Variants in OPHN1 observed in about 807,000 individuals in gnomAD.
The protein encoded by OPHN1 is oligophrenin-1.
In OPHN1, 11 loss-of-function variants were observed where a neutral mutation model predicts 60.7. That is an observed-to-expected ratio of 0.18 (90% confidence interval 0.11 to 0.30). The LOEUF is 0.30. Among genes scored for constraint, OPHN1 ranks in the 10% least tolerant of loss-of-function variants. OPHN1 has a pLI of 1.00. For synonymous variants in OPHN1, 226 were observed against 222.6 expected, an observed-to-expected ratio of 1.02 and a Z score of -0.14; for missense variants, 449 against 611.0, an observed-to-expected ratio of 0.73 and a Z score of 2.80.
chrX:68,198,269 C>T (rs898323387), intron 11 of OPHN1, among the ~76,000 whole-genome samples: 2 of 111,009 alleles, frequency 1.8e-5, no homozygotes, highest in African/African-American at 6.6e-5. Context: ...TAGGTTCATT[C>T]CCTTCCATCT....
intron 5 of OPHN1, among the ~76,000 whole-genome samples, chrX:68,241,554 A>C (rs2077780440): frequency 8.9e-6 from 1 of 112,048 alleles, no homozygotes; most frequent in African/African-American, 3.2e-5. Context: ...CATTTATATA[A>C]AATTATACAC....
At chrX:68,364,574 T>C (rs143585306) in intron 2 of OPHN1, among the ~76,000 whole-genome samples, 2,024 of 111,936 alleles carry the variant, frequency 0.018, 15 homozygotes, top group Non-Finnish European at 0.03. Context: ...TTCAGTTTCT[T>C]TAATAGAGTA....
At chrX:68,056,853 T>C (rs2076875036) in intron 21 of OPHN1, among the ~76,000 whole-genome samples, 2 of 111,441 alleles carry the variant, frequency 1.8e-5, no homozygotes, top group Non-Finnish European at 3.8e-5. Context: ...CCTTTCCAGT[T>C]GTCTGCTGTT....
At chrX:68,379,856 A>G (rs1602369380) in intron 2 of OPHN1, among the ~76,000 whole-genome samples, 1 of 108,749 alleles carries the variant, frequency 9.2e-6, no homozygotes, top group South Asian at 3.9e-4. Context: ...TTTTTGCATC[A>G]GTGTTCATCG....
At chrX:68,225,030 G>A (rs1260232533) in intron 6 of OPHN1, among the ~76,000 whole-genome samples, 3 of 112,225 alleles carry the variant, frequency 2.7e-5, no homozygotes, top group Non-Finnish European at 3.8e-5. Flanking sequence ...CCCTAATACT[G>A]CGCTTTTCCA....
intron 15 of OPHN1, among the ~76,000 whole-genome samples, chrX:68,125,833 C>T (rs764802842): frequency 5.0e-5 from 5 of 100,536 alleles, no homozygotes; most frequent in Admixed American, 1.1e-4. Flanking sequence ...ACTCACTCTA[C>T]GAGGCCAATA....
At chrX:68,250,748 A>C (rs2077829637) in intron 5 of OPHN1, among the ~76,000 whole-genome samples, 1 of 112,164 alleles carries the variant, frequency 8.9e-6, no homozygotes, top group Non-Finnish European at 1.9e-5. Context: ...GACTTCTTAG[A>C]AGAATATCTG....
At chrX:68,242,274 T>A (rs1301120562) in intron 5 of OPHN1, among the ~76,000 whole-genome samples, 1 of 105,260 alleles carries the variant, frequency 9.5e-6, no homozygotes, top group African/African-American at 3.5e-5. Flanking sequence ...TCCTAGCTAG[T>A]CAGGAAGCTG....
At chrX:68,407,205 A>AAAAT (rs1168855801) in intron 2 of OPHN1, among the ~76,000 whole-genome samples, 20 of 112,237 alleles carry the variant, frequency 1.8e-4, no homozygotes, top group African/African-American at 2.6e-4. Context: ...ACTTCGTCTC[A>AAAAT]AAATAAATAA....
chrX:68,249,541 A>G (rs1204734113), intron 5 of OPHN1, among the ~76,000 whole-genome samples: 1 of 111,815 alleles, frequency 8.9e-6, no homozygotes, highest in Non-Finnish European at 1.9e-5. Context: ...AAGTTTTAAA[A>G]CATTGGCTCT....
At chrX:68,259,249 G>A (rs975909568) in intron 5 of OPHN1, among the ~76,000 whole-genome samples, 2 of 111,130 alleles carry the variant, frequency 1.8e-5, no homozygotes, top group African/African-American at 3.3e-5. Flanking sequence ...CCAGGAGTTC[G>A]AGACCAGTCT....
At chrX:68,359,574 A>G (rs2078459778) in intron 2 of OPHN1, among the ~76,000 whole-genome samples, 1 of 111,066 alleles carries the variant, frequency 9.0e-6, no homozygotes, top group African/African-American at 3.3e-5. Context: ...TACCTAGTAC[A>G]GGCCGGGTGC....
chrX:68,055,237 T>C (rs1291585894), intron 21 of OPHN1, among the ~76,000 whole-genome samples: 1 of 112,146 alleles, frequency 8.9e-6, no homozygotes, highest in Non-Finnish European at 1.9e-5. Context: ...GTTCTGCTGC[T>C]TCCAGGTTGT....
intron 2 of OPHN1, among the ~76,000 whole-genome samples, chrX:68,359,602 A>G (rs1411244715): frequency 9.0e-6 from 1 of 110,709 alleles, no homozygotes; most frequent in African/African-American, 3.3e-5. Flanking sequence ...CAAGCCTGTA[A>G]TCCCAGCACT....
intron 15 of OPHN1, among the ~76,000 whole-genome samples, chrX:68,124,664 C>CTT (rs56914884): frequency 0.01 from 1,094 of 106,086 alleles, 6 homozygotes; most frequent in Middle Eastern, 0.02. Context: ...CAAAACAAGT[C>CTT]TTTTTTTTTT....
At chrX:68,103,786 A>G (rs1472728721) in intron 18 of OPHN1, among the ~76,000 whole-genome samples, 3 of 111,365 alleles carry the variant, frequency 2.7e-5, no homozygotes, top group Non-Finnish European at 5.7e-5. Flanking sequence ...CTCTCTCACC[A>G]CTCCTATTCA....
At chrX:68,345,480 C>A (rs989046556) in intron 2 of OPHN1, among the ~76,000 whole-genome samples, 1 of 112,482 alleles carries the variant, frequency 8.9e-6, no homozygotes, top group African/African-American at 3.2e-5. Context: ...ATAGCAAAAT[C>A]TCAGTGGAGG....
chrX:68,311,722 C>T (rs1354406979), intron 2 of OPHN1, among the ~76,000 whole-genome samples: 1 of 111,766 alleles, frequency 8.9e-6, no homozygotes, highest in Admixed American at 9.5e-5. Flanking sequence ...CGTGAGCCAC[C>T]GTGCCTAGCT....
At chrX:68,125,864 G>T (rs1393541493) in intron 15 of OPHN1, among the ~76,000 whole-genome samples, 1 of 92,108 alleles carries the variant, frequency 1.1e-5, no homozygotes, top group African/African-American at 3.9e-5. Flanking sequence ...ACCAAAACCA[G>T]ACCAAAACAC....
Sources: gnomAD v4.1 joint callset for allele counts (sites outside exome capture counted in the v4.1 genomes callset) on GRCh38, gnomAD v4.1.1 for gene constraint, MANE v1.5 for transcripts, NCBI Gene and HGNC (gene_info 2026-07-23, HGNC 2026-07-21) for gene names.